Variants in NELL1 observed in about 807,000 individuals in gnomAD.
The protein encoded by NELL1 is neural EGFL like 1, also known as protein kinase C-binding protein NELL1.
A neutral mutation model predicts 107.4 loss-of-function variants in NELL1; 76 were observed. That is an observed-to-expected ratio of 0.71 (90% CI 0.59 to 0.86). The LOEUF (loss-of-function observed/expected upper bound fraction) is 0.86, where lower values mean the gene tolerates loss of function less well. Among genes scored for constraint, NELL1 ranks in the 40% least tolerant of loss-of-function variants. NELL1 has a pLI of 0.00. For synonymous variants in NELL1, 353 were observed against 341.2 expected (o/e 1.03, Z -0.38); for missense variants, 1,024 against 1,005.5 (o/e 1.02, Z -0.25).
intron 15 of NELL1, among the ~76,000 whole-genome samples, chr11:21,459,281 TGAA>T (rs1353591823): frequency 2.8e-5 from 4 of 142,836 alleles, no homozygotes; most frequent in Non-Finnish European, 4.5e-5. Flanking sequence ...GTGCTATAAA[TGAA>T]GTAACCTGCC....
intron 13 of NELL1, among the ~76,000 whole-genome samples, chr11:21,179,775 G>A (rs527679331): frequency 5.4e-5 from 8 of 148,868 alleles, no homozygotes; most frequent in African/African-American, 1.7e-4. Context: ...CACATAGTTT[G>A]AGTTAGGAGT....
intron 14 of NELL1, among the ~76,000 whole-genome samples, chr11:21,366,052 G>C (rs889458845): frequency 6.6e-6 from 1 of 152,170 alleles, no homozygotes; most frequent in African/African-American, 2.4e-5. Flanking sequence ...TTCATCTTGT[G>C]ACAACCAAAA....
At chr11:21,512,438 A>G (rs1345285201) in intron 15 of NELL1, among the ~76,000 whole-genome samples, 1 of 152,160 alleles carries the variant, frequency 6.6e-6, no homozygotes, top group East Asian at 1.9e-4. Context: ...GAGAATGACA[A>G]TATAGCTTTG....
chr11:21,183,793 G>A (rs949268186), intron 13 of NELL1, among the ~76,000 whole-genome samples: 6 of 151,798 alleles, frequency 4.0e-5, no homozygotes, highest in South Asian at 4.1e-4. Context: ...TTGGAATCAG[G>A]TGATTGGAAT....
At chr11:21,163,243 CATA>C (rs1856411305) in intron 13 of NELL1, among the ~76,000 whole-genome samples, 1 of 152,132 alleles carries the variant, frequency 6.6e-6, no homozygotes, top group African/African-American at 2.4e-5. Context: ...AGACTCAGGT[CATA>C]ATGGGGTTTA....
At chr11:20,790,629 T>A (rs188514865) in intron 3 of NELL1, among the ~76,000 whole-genome samples, 27 of 152,110 alleles carry the variant, frequency 1.8e-4, no homozygotes, top group Non-Finnish European at 1.6e-4. Context: ...CAGCTGCAGC[T>A]GAGCCCAGCG....
intron 13 of NELL1, among the ~76,000 whole-genome samples, chr11:21,174,626 A>C (rs1856675138): frequency 6.6e-6 from 1 of 151,862 alleles, no homozygotes; most frequent in Non-Finnish European, 1.5e-5. Flanking sequence ...AGTATGGGAC[A>C]TTGTGAAGGA....
At chr11:21,485,435 C>G (rs1854600621) in intron 15 of NELL1, among the ~76,000 whole-genome samples, 1 of 151,882 alleles carries the variant, frequency 6.6e-6, no homozygotes, top group East Asian at 1.9e-4. Flanking sequence ...CAATCCTGCA[C>G]CAGTCCAAGT....
intron 15 of NELL1, among the ~76,000 whole-genome samples, chr11:21,375,444 C>T (rs924056758): frequency 6.6e-6 from 1 of 151,980 alleles, no homozygotes; most frequent in Admixed American, 6.6e-5. Flanking sequence ...TCTTTATCCA[C>T]TCCACTATTG....
chr11:21,429,674 G>A (rs1183799816), intron 15 of NELL1, among the ~76,000 whole-genome samples: 2 of 152,128 alleles, frequency 1.3e-5, no homozygotes, highest in African/African-American at 4.8e-5. Context: ...ATATATTATG[G>A]TGCATTCTCC....
intron 1 of NELL1, 68 bp from the exon 2 acceptor site, chr11:20,677,864 C>G: frequency 6.3e-7 from 1 of 1,583,856 alleles, no homozygotes; most frequent in Non-Finnish European, 8.7e-7. Flanking sequence ...CACTCCCCGA[C>G]TCTGTAACCT....
intron 15 of NELL1, among the ~76,000 whole-genome samples, chr11:21,523,646 T>C (rs1208416518): frequency 6.6e-6 from 1 of 152,140 alleles, no homozygotes; most frequent in African/African-American, 2.4e-5. Flanking sequence ...CTATCTCCTC[T>C]CCAATACTCT....
chr11:20,756,101 C>T (rs1055513433), intron 2 of NELL1, among the ~76,000 whole-genome samples: 9 of 150,488 alleles, frequency 6.0e-5, no homozygotes, highest in South Asian at 4.2e-4. Flanking sequence ...ACCGTGGTCT[C>T]GATCTCCTGA....
At position 21,337,823 on chromosome 11, in the gene NELL1, T is replaced by TCTTGCTTGCTTG. The variant is rs1555006189; in HGVS notation, c.1550-33027_1550-33026insGCTTGCTTGCTT. On this transcript the variant is annotated intron_variant, in intron 14 of 19. Transcript: ENST00000357134. The stretch of plus-strand genomic sequence containing the variant: ...TTCTTTCTTTCTTGCTTTCCTTCTT[T>TCTTGCTTGCTTG]CTTTCTTTCTTTCTTTTCTTTCTTT... Among the ~76,000 whole-genome samples, 73 of 34,730 alleles carry TCTTGCTTGCTTG rather than the reference T, an allele frequency of 2.1e-3. 1 individual carries two copies. Among genetic ancestry groups the TCTTGCTTGCTTG allele is most frequent in the South Asian group, 0.018 (15 of 834 alleles). The allele number at this position is 34,730 out of a possible 152,430, so 22.8% of individuals were successfully genotyped here.
At chr11:21,215,402 C>T (rs1857592281) in intron 13 of NELL1, among the ~76,000 whole-genome samples, 3 of 152,058 alleles carry the variant, frequency 2.0e-5, no homozygotes, top group Admixed American at 2.0e-4. Context: ...CTGAACTAAT[C>T]CAGTAAATTG....
rs71443763 is a variant in NELL1, at chr11:20,787,007, C to CAAAA, written c.335+3198_335+3201dup. Among the ~76,000 whole-genome samples, 95 of 60,664 alleles carry CAAAA rather than the reference C, an allele frequency of 1.6e-3. 4 individuals carry two copies. Among genetic ancestry groups the CAAAA allele is most frequent in the Non-Finnish European group, 1.7e-3 (65 of 37,776 alleles). 39.8% of individuals were successfully genotyped at this position (60,664 alleles called of 152,430 possible). The stretch of plus-strand genomic sequence containing the variant: ...TAGGCGAAAGAGCGAGACTCCGTCT[C>CAAAA]AAAAAAAAAAAAAAAAAAAAAAAAG... On this transcript the variant is annotated intron_variant, in intron 3 of 19. Coordinates refer to ENST00000357134, the MANE Select transcript of NELL1 (RefSeq NM_006157.5).
At chr11:21,118,570 A>G (rs1855289866) in intron 13 of NELL1, among the ~76,000 whole-genome samples, 1 of 152,096 alleles carries the variant, frequency 6.6e-6, no homozygotes, top group Non-Finnish European at 1.5e-5. Flanking sequence ...GATATCTGCC[A>G]CTATAAAATG....
At chr11:21,456,016 T>C (rs1853721898) in intron 15 of NELL1, among the ~76,000 whole-genome samples, 1 of 151,548 alleles carries the variant, frequency 6.6e-6, no homozygotes, top group African/African-American at 2.4e-5. Flanking sequence ...GCCTCCCGAG[T>C]GAGTAGCTGG....
At chr11:21,169,848 A>G in intron 13 of NELL1, 1 of 1,417,738 alleles carries the variant, frequency 7.1e-7, no homozygotes, top group Non-Finnish European at 9.9e-7. Flanking sequence ...TGCACCCCAG[A>G]GTCCCCCCAG....
Sources: gnomAD v4.1 joint callset for allele counts (sites outside exome capture counted in the v4.1 genomes callset) on GRCh38, gnomAD v4.1.1 for gene constraint, MANE v1.5 for transcripts, NCBI Gene and HGNC (gene_info 2026-07-23, HGNC 2026-07-21) for gene names.